The following TMEM106B variants were observed in gnomAD, a reference collection of about 807,000 sequenced individuals.
TMEM106B encodes the protein transmembrane protein 106B.
Under a neutral mutation model 31.1 loss-of-function variants are expected in TMEM106B, and 15 were observed. The observed-to-expected ratio is 0.48, with a 90% CI of 0.32 to 0.74. The LOEUF is 0.74. Ranked by LOEUF, TMEM106B falls within the 30% of genes least tolerant of loss-of-function variation. The pLI is 0.03. For missense variants in TMEM106B, 283 were observed against 327.3 expected (o/e 0.86, Z 1.04); for synonymous variants, 126 against 112.5 (o/e 1.12, Z -0.76).
chr7:12,236,532 C>A lies in TMEM106B; in HGVS notation c.*4557C>A, dbSNP rs1257421713. 2 of 151,746 alleles carry A rather than the reference C, an allele frequency of 1.3e-5. No homozygotes were observed. The highest frequency in any genetic ancestry group is 6.6e-5 in the Admixed American group (1 of 15,212). The allele number at this position is 151,746 out of a possible 1,614,324, so 9.4% of individuals were successfully genotyped here. A position where few individuals can be genotyped will look rare whatever the true frequency, so the allele number is the denominator to read the frequency against. On this transcript the variant is annotated 3_prime_UTR_variant, in exon 8 of 8. Transcript: ENST00000396668. ...TAATTGAAATGTGTTTTAAGAGATA[C>A]AATTTCAGCATATTTTATATATTAA...
chr7:12,220,642 G>A (rs1028975843), intron 3 of TMEM106B, among the ~76,000 whole-genome samples: 3 of 152,178 alleles, frequency 2.0e-5, no homozygotes, highest in African/African-American at 7.2e-5. Flanking sequence ...AGTAGTGACT[G>A]AAAACAAGTA....
chr7:12,215,615 C>T (rs1157802283), intron 2 of TMEM106B: 3 of 370,468 alleles, frequency 8.1e-6, no homozygotes, highest in African/African-American at 4.3e-5. Context: ...ATGGAGTTTC[C>T]CCATGTTTCC....
intron 3 of TMEM106B, among the ~76,000 whole-genome samples, chr7:12,222,433 A>C (rs1331771595): frequency 6.6e-6 from 1 of 152,240 alleles, no homozygotes; most frequent in Non-Finnish European, 1.5e-5. Flanking sequence ...AGAGTAATTT[A>C]GAACATGATT....
chr7:12,237,156 T>C lies in TMEM106B; in HGVS notation c.*5181T>C, dbSNP rs968147596. The C allele has an allele frequency of 6.6e-6, 1 of 152,146 alleles. No homozygotes were observed. The highest frequency in any genetic ancestry group is 2.4e-5 in the African/African-American group (1 of 41,528). The allele number at this position is 152,146 out of a possible 1,614,324, so 9.4% of individuals were successfully genotyped here. ...CAAACAAATAGAAATGCCCCCAAAA[T>C]GCTATTTTTTTAATTCAGTTATAAC... On this transcript the variant is annotated 3_prime_UTR_variant, in exon 8 of 8. Coordinates refer to ENST00000396668, the MANE Select transcript of TMEM106B (RefSeq NM_001134232.2).
rs201868191 is a variant in TMEM106B, at chr7:12,229,717, C to T, written c.480C>T (p.Val160=). 2.0e-5 allele frequency: 33 copies of T among 1,612,192 alleles called. No individual in the cohort carries two copies. Among genetic ancestry groups the T allele is most frequent in the African/African-American group, 2.7e-5 (2 of 74,898 alleles). ...LNITNNNYYS[V]EVENITAQVQ... is the part of the protein sequence containing the mutation. Reference sequence around the variant, plus strand: ...TAACAAACAATAACTATTACTCTGTCGAAGTTGAAAACATCACTGCCCAAG... The same window carrying T: ...TAACAAACAATAACTATTACTCTGTTGAAGTTGAAAACATCACTGCCCAAG... The change falls in exon 5 of 8, where the codon GTC becomes GTT. Residue 160 remains valine, a synonymous_variant. Coordinates refer to ENST00000396668, the MANE Select transcript of TMEM106B (RefSeq NM_001134232.2).
intron 1 of TMEM106B, among the ~76,000 whole-genome samples, chr7:12,213,294 A>G (rs973612863): frequency 1.4e-5 from 2 of 142,352 alleles, no homozygotes; most frequent in Non-Finnish European, 3.0e-5. Flanking sequence ...CTGTTGAATG[A>G]AAAAAAAACT....
At position 12,240,586 on chromosome 7, in the gene TMEM106B, C is replaced by T. The variant is rs781220846; in HGVS notation, c.*8611C>T. On this transcript the variant is annotated 3_prime_UTR_variant, in exon 8 of 8. Transcript: ENST00000396668. ...ATCTCTGTAGAATAATATGGAAAAA[C>T]GAAAATGAAAAGATGTATTACCTGA... is the stretch of plus-strand genomic sequence containing the variant. The T allele has an allele frequency of 2.6e-5, 4 of 151,512 alleles. No homozygotes were observed. Among genetic ancestry groups the T allele is most frequent in the African/African-American group, 9.7e-5 (4 of 41,200 alleles). The allele number at this position is 151,512 out of a possible 1,614,324, so 9.4% of individuals were successfully genotyped here.
rs555443470 is a variant in TMEM106B at position 12,243,262 on chromosome 7, T to C, written c.*11287T>C. On this transcript the variant is annotated 3_prime_UTR_variant, in exon 8 of 8. Coordinates refer to ENST00000396668, the MANE Select transcript of TMEM106B (RefSeq NM_001134232.2). Reference sequence around the variant, plus strand: ...CTCACATTTTAATGTATGAAGAAGATTGTATGAACGATCACATTAATTCAT... The same window carrying C: ...CTCACATTTTAATGTATGAAGAAGACTGTATGAACGATCACATTAATTCAT... 3.3e-5 allele frequency: 5 copies of C among 152,110 alleles called. No individual in the cohort carries two copies. Among genetic ancestry groups the C allele is most frequent in the Non-Finnish European group, 7.4e-5 (5 of 67,972 alleles). The allele number at this position is 152,110 out of a possible 1,614,324, so 9.4% of individuals were successfully genotyped here.
rs1782227900 is a variant in TMEM106B at position 12,240,876 on chromosome 7, G to C, written c.*8901G>C. 1 of 152,152 alleles carries C rather than the reference G, an allele frequency of 6.6e-6. No individual in the cohort carries two copies. Among genetic ancestry groups the C allele is most frequent in the African/African-American group, 2.4e-5 (1 of 41,430 alleles). 9.4% of individuals were successfully genotyped at this position (152,152 alleles called of 1,614,324 possible). A position where few individuals can be genotyped will look rare whatever the true frequency, so the allele number is the denominator to read the frequency against. On this transcript the variant is annotated 3_prime_UTR_variant, in exon 8 of 8. Transcript: ENST00000396668. ...CCCCTGAACATTGGCCTAGAGGGTAGTGTACAGTCACTTCTTCAGTGATAA... is the reference window on the plus strand; with the variant it reads ...CCCCTGAACATTGGCCTAGAGGGTACTGTACAGTCACTTCTTCAGTGATAA...
intron 3 of TMEM106B, among the ~76,000 whole-genome samples, chr7:12,223,974 C>G (rs1475397323): frequency 6.6e-6 from 1 of 152,086 alleles, no homozygotes; most frequent in Admixed American, 6.5e-5. Context: ...CCGCCTCAGC[C>G]TCTCAAAGTG....
chr7:12,230,774 A>C (rs1296677364), intron 6 of TMEM106B: 5 of 329,636 alleles, frequency 1.5e-5, no homozygotes, highest in Non-Finnish European at 2.7e-5. Flanking sequence ...ACAGACTTTT[A>C]GGGTAAATAA....
rs1366256266 is a variant in TMEM106B at position 12,215,001 on chromosome 7, G to A, written c.191G>A (p.Cys64Tyr). 6.2e-7 allele frequency: 1 copy of A among 1,613,786 alleles called. No homozygotes were observed. The highest frequency in any genetic ancestry group is 1.3e-5 in the African/African-American group (1 of 74,916). The change falls in exon 2 of 8, where the codon TGT (cysteine) becomes TAT (tyrosine). Residue 64 changes from cysteine to tyrosine, a missense_variant. Transcript: ENST00000396668. ...AGAGATAGTGTCACCTGCCCTACTT[G>A]TCAGGGAACAGGAAGAATTCCTAGG... Reference protein sequence around the residue: ...TGRDSVTCPTCQGTGRIPRGQ... With the variant: ...TGRDSVTCPTYQGTGRIPRGQ...
intron 2 of TMEM106B, among the ~76,000 whole-genome samples, chr7:12,217,900 A>G (rs935057982): frequency 1.3e-5 from 2 of 152,122 alleles, no homozygotes; most frequent in African/African-American, 4.8e-5. Context: ...GAAAGAAATC[A>G]CGGATTTTGA....
chr7:12,242,356 G>T lies in TMEM106B; in HGVS notation c.*10381G>T. ...CCACTGCAGTCCGCAGTCCGGCCTG[G>T]GCGACAGAGCGAGACTCCGTCTCAA... On this transcript the variant is annotated 3_prime_UTR_variant, in exon 8 of 8. Transcript: ENST00000396668. 1 of 31,940 alleles carries T rather than the reference G, an allele frequency of 3.1e-5. No homozygotes were observed. Among genetic ancestry groups the T allele is most frequent in the East Asian group, 1.7e-3 (1 of 596 alleles). 2.0% of individuals were successfully genotyped at this position (31,940 alleles called of 1,614,324 possible). A position where few individuals can be genotyped will look rare whatever the true frequency, so the allele number is the denominator to read the frequency against.
In TMEM106B at chr7:12,218,530, T is replaced by G. The variant is rs1000754556; in HGVS notation, c.281+9T>G. 17 of 1,605,710 alleles carry G rather than the reference T, an allele frequency of 1.1e-5. No homozygotes were observed. Among genetic ancestry groups the G allele is most frequent in the Non-Finnish European group, 1.4e-5 (17 of 1,175,090 alleles). ...TTAAGGCCAAGAAGAACGTAAGTGA[T>G]TCTAAGAATATGGCAGTGTTTTATG... On this transcript the variant is annotated intron_variant, in intron 3 of 7. Transcript: ENST00000396668.
chr7:12,215,648 G>A, intron 2 of TMEM106B: 1 of 382,738 alleles, frequency 2.6e-6, no homozygotes, highest in Non-Finnish European at 5.6e-6. Flanking sequence ...GAATTCTTGG[G>A]CTCAAGCGAT....
intron 2 of TMEM106B, chr7:12,215,606 T>C (rs1263180712): frequency 2.7e-6 from 1 of 368,370 alleles, no homozygotes; most frequent in East Asian, 8.5e-5. Context: ...ATAATAAGGA[T>C]GGAGTTTCCC....
chr7:12,223,129 A>T (rs916894727), intron 3 of TMEM106B, among the ~76,000 whole-genome samples: 6 of 152,214 alleles, frequency 3.9e-5, no homozygotes, highest in African/African-American at 1.4e-4. Context: ...AACCTTGAAA[A>T]GAGGAAGTTT....
rs1172438867 is a variant in TMEM106B, at chr7:12,236,406, C to T, written c.*4431C>T. 6.6e-6 allele frequency: 1 copy of T among 151,800 alleles called. No individual in the cohort carries two copies. Among genetic ancestry groups the T allele is most frequent in the South Asian group, 2.1e-4 (1 of 4,812 alleles). The allele number at this position is 151,800 out of a possible 1,614,324, so 9.4% of individuals were successfully genotyped here. A position where few individuals can be genotyped will look rare whatever the true frequency, so the allele number is the denominator to read the frequency against. ...AAATGTAGTATGATCTATATTTGAC[C>T]CTAAAAATGTTGGATTAATTTAACA... On this transcript the variant is annotated 3_prime_UTR_variant, in exon 8 of 8. Coordinates refer to ENST00000396668, the MANE Select transcript of TMEM106B (RefSeq NM_001134232.2).
Sources: gnomAD v4.1 joint callset for allele counts (sites outside exome capture counted in the v4.1 genomes callset) on GRCh38, gnomAD v4.1.1 for gene constraint, MANE v1.5 for transcripts, NCBI Gene and HGNC (gene_info 2026-07-23, HGNC 2026-07-21) for gene names.